The following UTRN variants were observed in gnomAD, a reference collection of about 807,000 sequenced individuals.
UTRN encodes utrophin.
A neutral mutation model predicts 463.9 loss-of-function variants in UTRN; 283 were observed. That is an observed-to-expected ratio of 0.61 (90% confidence interval 0.55 to 0.67). The LOEUF (loss-of-function observed/expected upper bound fraction) is 0.67. Among genes scored for constraint, UTRN ranks in the 30% least tolerant of loss-of-function variants. The probability of loss-of-function intolerance (pLI) is 0.00; values close to 1 mark genes in which losing one functional copy is unlikely to be tolerated. For missense variants in UTRN, 3,922 were observed against 4,084.3 expected (o/e 0.96, Z 1.08); for synonymous variants, 1,442 against 1,431.5 (o/e 1.01, Z -0.17).
intron 3 of UTRN, among the ~76,000 whole-genome samples, chr6:144,412,684 AGT>A (rs1164608604): frequency 3.3e-5 from 5 of 151,586 alleles, no homozygotes; most frequent in Non-Finnish European, 5.9e-5. Flanking sequence ...ATCTGAGGAG[AGT>A]GTGAATATAT....
chr6:144,584,626 C>T (rs1802283606), intron 51 of UTRN, among the ~76,000 whole-genome samples: 1 of 151,934 alleles, frequency 6.6e-6, no homozygotes, highest in Non-Finnish European at 1.5e-5. Context: ...TATTATATCA[C>T]ACTGTAATTT....
chr6:144,459,118 TC>T, intron 20 of UTRN, 55 bp from the exon 21 acceptor site: 3 of 1,580,242 alleles, frequency 1.9e-6, no homozygotes, highest in Non-Finnish European at 2.6e-6. Flanking sequence ...CTGATTAACT[TC>T]CTGTGAGGAT....
At chr6:144,618,008 T>G (rs1214874185) in intron 51 of UTRN, among the ~76,000 whole-genome samples, 1 of 152,198 alleles carries the variant, frequency 6.6e-6, no homozygotes, top group Non-Finnish European at 1.5e-5. Flanking sequence ...TATTGTATTG[T>G]TTCTCTAAAA....
rs1008575382 is a variant in UTRN, at chr6:144,426,083, C to T, written c.406-204C>T. On this transcript the variant is annotated intron_variant, in intron 6 of 74. Transcript: ENST00000367545. ...TGTATAAAAGTGAGGTAAAAATCACCTCAAATTCTAGTCCCCCAAAATAAT... is the reference window on the plus strand; with the variant it reads ...TGTATAAAAGTGAGGTAAAAATCACTTCAAATTCTAGTCCCCCAAAATAAT... 5.3e-5 allele frequency among the ~76,000 whole-genome samples: 8 copies of T among 152,096 alleles called. No homozygotes were observed. In the East Asian group the frequency reaches 1.2e-3, roughly 22 times the overall value.
Position 144,458,951 on chromosome 6 carries a change from A to G in UTRN, c.2466A>G (p.Lys822=). The part of the protein sequence containing the change: ...KVIKTKEEWV[K]HTSISESSRQ... The stretch of plus-strand genomic sequence containing the variant: ...TCAAGACAAAGGAGGAGTGGGTAAA[A>G]CACACTTCCATTTCTGAATCTTCCC... Residue 822 remains lysine (K), a synonymous_variant, in exon 20 of 75, where the codon AAA becomes AAG. Coordinates refer to ENST00000367545, the MANE Select transcript of UTRN (RefSeq NM_007124.3). The G allele has an allele frequency of 6.2e-7, 1 of 1,613,240 alleles. No individual in the cohort carries two copies. Among genetic ancestry groups the G allele is most frequent in the Non-Finnish European group, 8.5e-7 (1 of 1,179,830 alleles).
At chr6:144,408,856 C>T (rs1459156442) in intron 3 of UTRN, among the ~76,000 whole-genome samples, 1 of 152,212 alleles carries the variant, frequency 6.6e-6, no homozygotes, top group Non-Finnish European at 1.5e-5. Context: ...CCCTTTTCCA[C>T]CTCTAGATAT....
chr6:144,836,475 G>T lies in UTRN; in HGVS notation c.9999G>T (p.Gln3333His). The change falls in exon 71 of 75, where the codon CAG (glutamine) becomes CAT (histidine). Residue 3333 changes from glutamine to histidine, a missense_variant. Gln to His is a conservative substitution (Grantham distance 24). Around this residue, in one of 3 missense-constraint regions of UTRN, gnomAD observed 1,309 missense variants for 1,452.6 expected, o/e 0.90. Coordinates refer to ENST00000367545, the MANE Select transcript of UTRN (RefSeq NM_007124.3). ...QHKGRLEARM[Q>H]ILEDHNKQLE... ...AAGGTCGGCTGGAGGCTAGGATGCA[G>T]ATTTTAGAAGATCACAATAAACAGC... The T allele has an allele frequency of 6.2e-7, 1 of 1,614,048 alleles. No homozygotes were observed. The highest frequency in any genetic ancestry group is 8.5e-7 in the Non-Finnish European group (1 of 1,179,976).
At chr6:144,721,807 G>A (rs1384924780) in intron 53 of UTRN, among the ~76,000 whole-genome samples, 2 of 151,978 alleles carry the variant, frequency 1.3e-5, no homozygotes, top group Non-Finnish European at 2.9e-5. Context: ...TAGACACATA[G>A]CCTGAAGGTA....
At chr6:144,626,237 ATTAT>A (rs1255920579) in intron 51 of UTRN, among the ~76,000 whole-genome samples, 1 of 152,218 alleles carries the variant, frequency 6.6e-6, no homozygotes, top group Non-Finnish European at 1.5e-5. Flanking sequence ...TACTGCAAAA[ATTAT>A]TTCAACAAAC....
intron 53 of UTRN, among the ~76,000 whole-genome samples, chr6:144,725,222 G>C (rs547935206): frequency 2.2e-4 from 34 of 152,348 alleles, no homozygotes; most frequent in Admixed American, 9.8e-4. Context: ...AGCACATGCT[G>C]TCTTGCCTCC....
chr6:144,403,004 A>C (rs1783058681), intron 2 of UTRN, 119 bp from the exon 3 acceptor site: 1 of 856,792 alleles, frequency 1.2e-6, no homozygotes, highest in South Asian at 1.5e-5. Flanking sequence ...ATTGTGCTCA[A>C]GGAGCTCGAC....
chr6:144,285,560 C>A lies in UTRN; in HGVS notation c.-354C>A, dbSNP rs1803592856. 1 of 152,244 alleles carries A rather than the reference C, an allele frequency of 6.6e-6. No individual in the cohort carries two copies. Among genetic ancestry groups the A allele is most frequent in the Admixed American group, 6.5e-5 (1 of 15,290 alleles). 9.4% of individuals were successfully genotyped at this position (152,244 alleles called of 1,614,324 possible). A position where few individuals can be genotyped will look rare whatever the true frequency, so the allele number is the denominator to read the frequency against. Reference sequence around the variant, plus strand: ...TGCGCTTTGACTGTTTTGTTTTTGGCGGAACTACCAGGCAGGAAGATTGCA... The same window carrying A: ...TGCGCTTTGACTGTTTTGTTTTTGGAGGAACTACCAGGCAGGAAGATTGCA... On this transcript the variant is annotated 5_prime_UTR_variant, in exon 1 of 75. Coordinates refer to ENST00000367545, the MANE Select transcript of UTRN (RefSeq NM_007124.3).
chr6:144,295,064 T>G (rs925064767), intron 2 of UTRN, among the ~76,000 whole-genome samples: 2 of 152,218 alleles, frequency 1.3e-5, no homozygotes, highest in African/African-American at 2.4e-5. Flanking sequence ...AAGTACTGTA[T>G]TATTAACAGC....
chr6:144,665,486 T>C (rs1183259525), intron 51 of UTRN, among the ~76,000 whole-genome samples: 1 of 152,218 alleles, frequency 6.6e-6, no homozygotes, highest in African/African-American at 2.4e-5. Flanking sequence ...AAACAAGTTA[T>C]TTGATATACA....
At chr6:144,513,821 C>T (rs1386972075) in intron 35 of UTRN, 88 bp from the exon 36 acceptor site, 1 of 1,438,250 alleles carries the variant, frequency 7.0e-7, no homozygotes, top group African/African-American at 1.4e-5. Context: ...GTACAGTTTG[C>T]TCTTTGAAGG....
chr6:144,687,718 C>T (rs1045415098), intron 52 of UTRN, among the ~76,000 whole-genome samples: 1 of 152,024 alleles, frequency 6.6e-6, no homozygotes, highest in Non-Finnish European at 1.5e-5. Flanking sequence ...GCTAAGTCTG[C>T]TGTTCATTCG....
intron 51 of UTRN, among the ~76,000 whole-genome samples, chr6:144,662,997 G>T (rs1274968549): frequency 6.6e-6 from 1 of 152,196 alleles, no homozygotes; most frequent in African/African-American, 2.4e-5. Context: ...TGCTGGGATT[G>T]TAGTTTCCCA....
chr6:144,423,532 T>A lies in UTRN; in HGVS notation c.235-17T>A. On this transcript the variant is annotated splice_polypyrimidine_tract_variant and intron_variant, in intron 4 of 74. Coordinates refer to ENST00000367545, the MANE Select transcript of UTRN (RefSeq NM_007124.3). ...AGGGACAATCAGTTTTACTTGCTTTTTTGTTTTATTTTCCAGCCAAAGGAA... is the reference window on the plus strand; with the variant it reads ...AGGGACAATCAGTTTTACTTGCTTTATTGTTTTATTTTCCAGCCAAAGGAA... The A allele has an allele frequency of 6.2e-7, 1 of 1,613,740 alleles. No homozygotes were observed. Among genetic ancestry groups the A allele is most frequent in the Non-Finnish European group, 8.5e-7 (1 of 1,179,766 alleles).
At chr6:144,703,422 AT>A (rs1784784093) in intron 53 of UTRN, among the ~76,000 whole-genome samples, 1 of 152,296 alleles carries the variant, frequency 6.6e-6, no homozygotes, top group Non-Finnish European at 1.5e-5. Flanking sequence ...GTCAGCCTGT[AT>A]ATCAGCCCTG....
Sources: gnomAD v4.1 joint callset for allele counts (sites outside exome capture counted in the v4.1 genomes callset) on GRCh38, gnomAD v4.1.1 for gene constraint, gnomAD v4.1.1 regional missense constraint, MANE v1.5 for transcripts, NCBI Gene and HGNC (gene_info 2026-07-23, HGNC 2026-07-21) for gene names.